The following ICE1 variants were observed in gnomAD, a reference collection of about 807,000 sequenced individuals.
ICE1 encodes the protein little elongation complex subunit 1.
Under a neutral mutation model 192.7 loss-of-function variants are expected in ICE1, and 64 were observed. That is an observed-to-expected ratio of 0.33 (90% CI 0.27 to 0.41). The LOEUF (loss-of-function observed/expected upper bound fraction) is 0.41. Ranked by LOEUF, ICE1 falls within the 10% of genes least tolerant of loss-of-function variation. ICE1 has a pLI of 1.00. For synonymous variants in ICE1, 1,010 were observed against 984.5 expected (o/e 1.03, Z -0.49); for missense variants, 2,708 against 2,696.0 (o/e 1.00, Z -0.10).
chr5:5,467,373 GGT>G (rs2111390242), intron 14 of ICE1, among the ~76,000 whole-genome samples: 1 of 152,246 alleles, frequency 6.6e-6, no homozygotes, highest in Non-Finnish European at 1.5e-5. Flanking sequence ...GGACGGAACG[GGT>G]GTGGGCTCGG....
At chr5:5,439,046 G>A (rs1286099792) in intron 3 of ICE1, among the ~76,000 whole-genome samples, 4 of 151,874 alleles carry the variant, frequency 2.6e-5, no homozygotes, top group East Asian at 1.9e-4. Context: ...TTTCAAGATG[G>A]GAAAGTTATT....
At chr5:5,488,320 G>A (rs1739683362) in intron 18 of ICE1, among the ~76,000 whole-genome samples, 1 of 152,222 alleles carries the variant, frequency 6.6e-6, no homozygotes, top group Non-Finnish European at 1.5e-5. Context: ...GGGACCAGAA[G>A]TGTTTTAGAC....
Position 5,457,569 on chromosome 5 carries a change from G to A in ICE1, c.929G>A (p.Ser310Asn). The A allele has an allele frequency of 6.2e-7, 1 of 1,614,014 alleles. No homozygotes were observed. Among genetic ancestry groups the A allele is most frequent in the Non-Finnish European group, 8.5e-7 (1 of 1,179,878 alleles). Residue 310 changes from serine (S) to asparagine (N), a missense_variant, in exon 12 of 19, where the codon AGT becomes AAT. Coordinates refer to ENST00000296564, the MANE Select transcript of ICE1 (RefSeq NM_015325.3). ...GGAAATCTTGAGGTTTTAGTACAAAGTCATCGTGACGGTGGTAGTACTGAA... is the reference window on the plus strand; with the variant it reads ...GGAAATCTTGAGGTTTTAGTACAAAATCATCGTGACGGTGGTAGTACTGAA... ...ENGNLEVLVQ[S>N]HRDGGSTEFV...
At chr5:5,433,049 T>G (rs1737767805) in intron 1 of ICE1, among the ~76,000 whole-genome samples, 2 of 152,170 alleles carry the variant, frequency 1.3e-5, no homozygotes, top group African/African-American at 4.8e-5. Flanking sequence ...CTTTAGATAT[T>G]ATCTGTAAGA....
chr5:5,455,930 T>C (rs1738569077), intron 11 of ICE1, among the ~76,000 whole-genome samples: 2 of 152,158 alleles, frequency 1.3e-5, no homozygotes, highest in South Asian at 4.1e-4. Flanking sequence ...GTCATCTTGC[T>C]TTCACCTCCT....
chr5:5,447,533 C>G, intron 8 of ICE1, 24 bp downstream of exon 8: 2 of 1,512,738 alleles, frequency 1.3e-6, no homozygotes, highest in Non-Finnish European at 1.8e-6. Context: ...GCAGCATACA[C>G]ACACCTTAAA....
intron 10 of ICE1, among the ~76,000 whole-genome samples, chr5:5,450,881 C>T (rs1738395680): frequency 1.3e-5 from 2 of 152,076 alleles, no homozygotes; most frequent in South Asian, 2.1e-4. Context: ...AATCTATTTT[C>T]GTCGTGAGAG....
Position 5,461,333 on chromosome 5 carries a change from G to A in ICE1, c.1999G>A (p.Glu667Lys). Residue 667 changes from glutamate to lysine, a missense_variant, in exon 13 of 19, where the codon GAA becomes AAA. Transcript: ENST00000296564. ...TATTACTACTAAAGTATTCTCTACT[G>A]AACCGCATCATTCAGAACATAAATT... ...TDITTKVFST[E>K]PHHSEHKLQT... 6.2e-7 allele frequency: 1 copy of A among 1,613,848 alleles called. No individual in the cohort carries two copies. The highest frequency in any genetic ancestry group is 8.5e-7 in the Non-Finnish European group (1 of 1,179,836).
chr5:5,430,162 G>A (rs1407866685), intron 1 of ICE1, among the ~76,000 whole-genome samples: 3 of 152,194 alleles, frequency 2.0e-5, no homozygotes, highest in East Asian at 3.9e-4. Context: ...AGCTGGACCT[G>A]TGCAGGAATG....
chr5:5,448,277 A>T (rs74855920), intron 10 of ICE1, among the ~76,000 whole-genome samples: 2 of 152,176 alleles, frequency 1.3e-5, no homozygotes, highest in African/African-American at 4.8e-5. Flanking sequence ...AAACTATAGA[A>T]TTAAAGCCTT....
intron 10 of ICE1, among the ~76,000 whole-genome samples, chr5:5,451,439 C>T (rs1738413279): frequency 6.6e-6 from 1 of 152,088 alleles, no homozygotes; most frequent in Non-Finnish European, 1.5e-5. Context: ...ATAGCTGGTT[C>T]TTTGTAATGC....
At chr5:5,426,851 C>T (rs923026302) in intron 1 of ICE1, among the ~76,000 whole-genome samples, 2 of 152,168 alleles carry the variant, frequency 1.3e-5, no homozygotes, top group Non-Finnish European at 2.9e-5. Context: ...ATTAAACTTT[C>T]GTGTGAGAGA....
At position 5,486,724 on chromosome 5, in the gene ICE1, G is replaced by A. The variant is rs749806965; in HGVS notation, c.6524G>A (p.Arg2175His). The change falls in exon 18 of 19, where the codon CGT (arginine) becomes CAT (histidine). Residue 2175 changes from arginine (R) to histidine (H), a missense_variant. By Grantham distance (29) the Arg-to-His change is conservative (BLOSUM62 0). This residue lies in a region of ICE1 where 342 missense variants were observed against 419.3 expected (regional missense o/e 0.82). Transcript: ENST00000296564. Reference protein sequence around the residue: ...IIASILRLIGRLGQLGLKEGF... With the variant: ...IIASILRLIGHLGQLGLKEGF... ...CATTTTGGTTTGTTTCCCCTAGGTCGTTTAGGCCAATTGGGTTTGAAAGAA... is the reference window on the plus strand; with the variant it reads ...CATTTTGGTTTGTTTCCCCTAGGTCATTTAGGCCAATTGGGTTTGAAAGAA... 2.3e-5 allele frequency: 36 copies of A among 1,593,898 alleles called. No individual in the cohort carries two copies. Among genetic ancestry groups the A allele is most frequent in the African/African-American group, 4.0e-5 (3 of 74,730 alleles).
intron 12 of ICE1, 58 bp from the exon 13 acceptor site, chr5:5,460,378 G>A: frequency 2.9e-6 from 3 of 1,034,302 alleles, no homozygotes. Context: ...GCATTTAATT[G>A]ATAGTCATGT....
Position 5,463,778 on chromosome 5 carries a change from G to A in ICE1, c.4444G>A (p.Glu1482Lys). The change falls in exon 13 of 19, where the codon GAG becomes AAG. Residue 1482 changes from glutamate (E) to lysine (K), a missense_variant. Around this residue, in one of 2 missense-constraint regions of ICE1, gnomAD observed 2,366 missense variants for 2,276.6 expected, o/e 1.04. Transcript: ENST00000296564. ...EASHTGPAFQ[E>K]APCGNNLSCP... ...CAGTCACACTGGCCCTGCATTTCAG[G>A]AGGCTCCATGTGGCAATAATCTTTC... is the stretch of plus-strand genomic sequence containing the variant. 6.2e-7 allele frequency: 1 copy of A among 1,613,968 alleles called. No individual in the cohort carries two copies. The highest frequency in any genetic ancestry group is 8.5e-7 in the Non-Finnish European group (1 of 1,179,884).
chr5:5,469,160 C>T (rs1259388483), intron 15 of ICE1, among the ~76,000 whole-genome samples, 172 bp downstream of exon 15: 1 of 152,146 alleles, frequency 6.6e-6, no homozygotes, highest in Non-Finnish European at 1.5e-5. Context: ...ATTAAGAATG[C>T]ATGAGACATT....
chr5:5,441,019 C>T, intron 4 of ICE1, 93 bp from the exon 5 acceptor site: 2 of 749,028 alleles, frequency 2.7e-6, no homozygotes, highest in South Asian at 2.2e-5. Flanking sequence ...TTTTTTGTTC[C>T]AAGTTAGCAA....
At chr5:5,430,033 A>G (rs1260179997) in intron 1 of ICE1, among the ~76,000 whole-genome samples, 1 of 152,224 alleles carries the variant, frequency 6.6e-6, no homozygotes, top group African/African-American at 2.4e-5. Context: ...CCAATAGACT[A>G]TATAATAGAA....
rs925537966 is a variant in ICE1, at chr5:5,461,777, A to G, written c.2443A>G (p.Thr815Ala). Residue 815 changes from threonine (T) to alanine (A), a missense_variant, in exon 13 of 19, where the codon ACT (threonine) becomes GCT (alanine). Around this residue, in one of 2 missense-constraint regions of ICE1, gnomAD observed 2,366 missense variants for 2,276.6 expected, o/e 1.04. Coordinates refer to ENST00000296564, the MANE Select transcript of ICE1 (RefSeq NM_015325.3). ...AGCCAAATCAGAACATGAACAGAAGACTAGCCATCAGTTACAAAAGGCAAT... is the reference window on the plus strand; with the variant it reads ...AGCCAAATCAGAACATGAACAGAAGGCTAGCCATCAGTTACAAAAGGCAAT... ...LRAKSEHEQK[T>A]SHQLQKAMPF... 1.5e-5 allele frequency: 24 copies of G among 1,613,800 alleles called. No individual in the cohort carries two copies. The highest frequency in any genetic ancestry group is 1.9e-5 in the Non-Finnish European group (23 of 1,179,848).
Sources: allele counts gnomAD v4.1 joint callset (sites outside exome capture counted in the v4.1 genomes callset), GRCh38; gene constraint gnomAD v4.1.1; regional missense constraint gnomAD v4.1.1; transcripts MANE v1.5; gene names NCBI Gene and HGNC (gene_info 2026-07-23, HGNC 2026-07-21).